SPNS3: variants seen among roughly 807,000 people sequenced by gnomAD.
SPNS3 encodes the protein SPNS lysolipid transporter 3, sphingosine-1-phosphate (putative).
A neutral mutation model predicts 54.4 loss-of-function variants in SPNS3; 51 were observed. The observed-to-expected ratio is 0.94, with a 90% CI of 0.75 to 1.18. The LOEUF (loss-of-function observed/expected upper bound fraction) is 1.18. Among genes scored for constraint, SPNS3 ranks in the 50% most tolerant of loss-of-function variants. The probability of loss-of-function intolerance (pLI) is 0.00; values close to 1 mark genes in which losing one functional copy is unlikely to be tolerated. For missense variants in SPNS3, 669 were observed against 677.4 expected, an observed-to-expected ratio of 0.99 and a Z score of 0.14; for synonymous variants, 309 against 294.7, an observed-to-expected ratio of 1.05 and a Z score of -0.50.
At chr17:4,468,096 T>C (rs1313572433) in intron 8 of SPNS3, among the ~76,000 whole-genome samples, 1 of 152,180 alleles carries the variant, frequency 6.6e-6, no homozygotes, top group Non-Finnish European at 1.5e-5. Context: ...TTGTAGCTTA[T>C]GGACCACGTG....
chr17:4,435,762 T>C (rs1209711458), intron 1 of SPNS3, among the ~76,000 whole-genome samples: 1 of 152,018 alleles, frequency 6.6e-6, no homozygotes, highest in East Asian at 1.9e-4. Flanking sequence ...ACTCACTCAT[T>C]CATTCATTCA....
At chr17:4,435,405 C>T (rs1357033331) in intron 1 of SPNS3, among the ~76,000 whole-genome samples, 2 of 147,712 alleles carry the variant, frequency 1.4e-5, no homozygotes, top group Non-Finnish European at 3.0e-5. Flanking sequence ...CCCACCATTG[C>T]ACTCCAGTCT....
rs184985175 is a variant in SPNS3, at chr17:4,455,000, G to A, written c.1113+1795G>A. Among the ~76,000 whole-genome samples the A allele has an allele frequency of 5.0e-3, 757 of 150,968 alleles. 2 individuals are homozygous for A. The highest frequency in any genetic ancestry group is 0.017 in the African/African-American group (702 of 41,046). On this transcript the variant is annotated intron_variant, in intron 8 of 11. Transcript: ENST00000355530. Reference sequence around the variant, plus strand: ...GCGATCTCAGCTCACGGTAACCTCCGCCTCCTGGGTTCAAGCGATTCTCCT... The same window carrying A: ...GCGATCTCAGCTCACGGTAACCTCCACCTCCTGGGTTCAAGCGATTCTCCT...
intron 8 of SPNS3, among the ~76,000 whole-genome samples, chr17:4,468,726 T>TTTCTTTCTTTCA (rs1483323995): frequency 7.5e-6 from 1 of 133,014 alleles, no homozygotes; most frequent in Non-Finnish European, 1.5e-5. Context: ...CTTTCTTTTC[T>TTTCTTTCTTTCA]TTCTTTCTTT....
At position 4,453,214 on chromosome 17, in the gene SPNS3, G is replaced by A. The variant is rs1971216187; in HGVS notation, c.1113+9G>A. On this transcript the variant is annotated intron_variant, in intron 8 of 11. Coordinates refer to ENST00000355530, the MANE Select transcript of SPNS3 (RefSeq NM_182538.5). ...CCCTGCTGGCCTCCTATGTAAGTGA[G>A]AGCCTCTATGGAGGTGGGGACAGGG... 52 of 1,609,660 alleles carry A rather than the reference G, an allele frequency of 3.2e-5. No individual in the cohort carries two copies. Among genetic ancestry groups the A allele is most frequent in the Non-Finnish European group, 4.4e-5 (52 of 1,178,260 alleles).
intron 9 of SPNS3, among the ~76,000 whole-genome samples, chr17:4,485,475 G>A (rs1972287860): frequency 6.6e-6 from 1 of 151,054 alleles, no homozygotes; most frequent in South Asian, 2.1e-4. Flanking sequence ...TCAGCTCACT[G>A]CAACCTCCGC....
intron 9 of SPNS3, chr17:4,484,867 C>T (rs900132409): frequency 2.0e-5 from 3 of 152,150 alleles, no homozygotes; most frequent in African/African-American, 7.2e-5. Context: ...AGCTAGTCCC[C>T]TCTGTGCCTG....
In SPNS3 at chr17:4,480,525, G is replaced by A. The variant is rs1332849198; in HGVS notation, c.1179+1888G>A. ...GCTTCCCTGGCCTGCCCCCCACGGCGCAGCTCCCTCTTCCACATGACAGCC... is the reference window on the plus strand; with the variant it reads ...GCTTCCCTGGCCTGCCCCCCACGGCACAGCTCCCTCTTCCACATGACAGCC... On this transcript the variant is annotated intron_variant, in intron 9 of 11. Coordinates refer to ENST00000355530, the MANE Select transcript of SPNS3 (RefSeq NM_182538.5). 3.9e-5 allele frequency among the ~76,000 whole-genome samples: 6 copies of A among 152,312 alleles called. No individual in the cohort carries two copies. In the South Asian group the frequency reaches 6.2e-4, roughly 16 times the overall value.
At chr17:4,434,907 C>T (rs183176602) in intron 1 of SPNS3, among the ~76,000 whole-genome samples, 4 of 149,284 alleles carry the variant, frequency 2.7e-5, no homozygotes, top group Non-Finnish European at 4.5e-5. Flanking sequence ...CAGGTTCAAG[C>T]GATTCCTATC....
At chr17:4,479,966 C>T (rs1392362113) in intron 9 of SPNS3, among the ~76,000 whole-genome samples, 1 of 152,200 alleles carries the variant, frequency 6.6e-6, no homozygotes, top group Non-Finnish European at 1.5e-5. Flanking sequence ...CATTTTCTAT[C>T]CCCCAAAGAA....
chr17:4,456,552 G>A (rs931961378), intron 8 of SPNS3, among the ~76,000 whole-genome samples: 4 of 152,054 alleles, frequency 2.6e-5, no homozygotes, highest in Admixed American at 6.6e-5. Flanking sequence ...TTGAGACGGA[G>A]TCTCTCTCTA....
chr17:4,475,621 C>A (rs1382229224), intron 8 of SPNS3, among the ~76,000 whole-genome samples: 1 of 152,126 alleles, frequency 6.6e-6, no homozygotes, highest in Non-Finnish European at 1.5e-5. Context: ...GGGCCTGTCT[C>A]CTGGCTGGCT....
chr17:4,455,483 C>T (rs899949556), intron 8 of SPNS3, among the ~76,000 whole-genome samples: 22 of 152,274 alleles, frequency 1.4e-4, no homozygotes, highest in Admixed American at 1.3e-4. Flanking sequence ...ACTTTGTGGG[C>T]GTTTTGGGGT....
intron 8 of SPNS3, among the ~76,000 whole-genome samples, chr17:4,459,237 G>T (rs1971428198): frequency 6.6e-6 from 1 of 152,270 alleles, no homozygotes; most frequent in African/African-American, 2.4e-5. Flanking sequence ...CAGGGTCCAG[G>T]TCTGGTTCTA....
chr17:4,462,754 AATCCATCCATCC>A (rs1194188864), intron 8 of SPNS3, among the ~76,000 whole-genome samples: 4 of 20,402 alleles, frequency 2.0e-4, no homozygotes, highest in South Asian at 2.8e-3. Flanking sequence ...TCCATCCACC[AATCCATCCATCC>A]ATCCATCCAT....
intron 1 of SPNS3, 102 bp from the exon 2 acceptor site, chr17:4,439,556 C>A: frequency 9.9e-7 from 1 of 1,009,078 alleles, no homozygotes; most frequent in Non-Finnish European, 1.5e-6. Context: ...ATGCCCTGTG[C>A]TGTGCTGGTC....
In SPNS3 at chr17:4,486,250, G is replaced by A. The variant is rs765250883; in HGVS notation, c.1202G>A (p.Arg401Gln). 33 of 1,568,294 alleles carry A rather than the reference G, an allele frequency of 2.1e-5. No homozygotes were observed. The highest frequency in any genetic ancestry group is 2.7e-5 in the African/African-American group (2 of 72,756). The change falls in exon 10 of 12, where the codon CGG becomes CAG. Residue 401 changes from arginine (R) to glutamine (Q), a missense_variant. Physicochemically the swap from Arg to Gln is conservative, Grantham distance 43. Transcript: ENST00000355530. The surrounding 1 kb of genome is among the most constrained non-coding windows in gnomAD (Gnocchi z 5.5). ...CAGTCTGTGGTGGTGCCCAGATGCC[G>A]GGGGACGGCAGAGGCACTTCAGATC... ...ILLSVVVPRCRGTAEALQITV... is the reference protein window; with the variant it reads ...ILLSVVVPRCQGTAEALQITV...
At chr17:4,477,786 C>T (rs1972042590) in intron 8 of SPNS3, among the ~76,000 whole-genome samples, 1 of 152,006 alleles carries the variant, frequency 6.6e-6, no homozygotes, top group African/African-American at 2.4e-5. Flanking sequence ...CTGTGCTGCT[C>T]CAAGGGAAGG....
At chr17:4,444,840 C>T (rs1597306075) in intron 2 of SPNS3, 192 bp from the exon 3 acceptor site, 5 of 684,666 alleles carry the variant, frequency 7.3e-6, no homozygotes, top group East Asian at 2.6e-5. Context: ...GAGGCCTCCA[C>T]ACTCTGGGCT....
Sources: allele counts gnomAD v4.1 joint callset (sites outside exome capture counted in the v4.1 genomes callset), GRCh38; gene constraint gnomAD v4.1.1; non-coding constraint Gnocchi (gnomAD v3.1); transcripts MANE v1.5; gene names NCBI Gene and HGNC (gene_info 2026-07-23, HGNC 2026-07-21).